The following STX3 variants were observed in gnomAD, a reference collection of about 807,000 sequenced individuals.
The protein encoded by STX3 is syntaxin-3.
In STX3, 19 loss-of-function variants were observed where a neutral mutation model predicts 40.2. The ratio of observed to expected loss-of-function variants is 0.47; its 90% confidence interval spans 0.33 to 0.69. The LOEUF is 0.69. STX3 is among the 30% of genes least tolerant of loss of function. STX3 has a pLI of 0.02. For synonymous variants in STX3, 122 were observed against 132.2 expected (o/e 0.92, Z 0.53); for missense variants, 364 against 366.7 (o/e 0.99, Z 0.06).
intron 2 of STX3, chr11:59,781,512 C>G (rs1239733274): frequency 1.2e-6 from 2 of 1,613,884 alleles, no homozygotes; most frequent in East Asian, 4.5e-5. Context: ...AAACTTCTCT[C>G]CCAGGGTACA....
intron 2 of STX3, chr11:59,781,478 T>C (rs1202967987): frequency 6.2e-7 from 1 of 1,613,678 alleles, no homozygotes; most frequent in Non-Finnish European, 8.5e-7. Context: ...TCTGAGTTTT[T>C]CTGCCATCAG....
At chr11:59,765,286 A>G (rs954705127) in intron 1 of STX3, among the ~76,000 whole-genome samples, 1 of 152,124 alleles carries the variant, frequency 6.6e-6, no homozygotes, top group African/African-American at 2.4e-5. Flanking sequence ...CACATAGGAA[A>G]CAGAGAGCAT....
At chr11:59,764,575 T>C (rs1051493288) in intron 1 of STX3, among the ~76,000 whole-genome samples, 1 of 152,168 alleles carries the variant, frequency 6.6e-6, no homozygotes, top group African/African-American at 2.4e-5. Context: ...TATAGGTTAA[T>C]CCAACTTAGT....
At position 59,797,331 on chromosome 11, in the gene STX3, G is replaced by A. The variant is rs751048742; in HGVS notation, c.835G>A (p.Ala279Thr). 11 of 1,614,000 alleles carry A rather than the reference G, an allele frequency of 6.8e-6. No homozygotes were observed. The highest frequency in any genetic ancestry group is 1.6e-4 in the Middle Eastern group (1 of 6,084). Residue 279 changes from alanine to threonine, a missense_variant, in exon 10 of 11, where the codon GCA becomes ACA. Physicochemically the swap from Ala to Thr is moderately conservative, Grantham distance 58. Coordinates refer to ENST00000337979, the MANE Select transcript of STX3 (RefSeq NM_004177.5). ...AGTAGTTGTGTTGCTGGGCATTTTA[G>A]CATTGATTATTGGACTTTCCGTTGG... ...VLVVVLLGIL[A>T]LIIGLSVGLN
intron 1 of STX3, among the ~76,000 whole-genome samples, chr11:59,756,966 C>G (rs1342681371): frequency 1.3e-5 from 2 of 152,208 alleles, no homozygotes; most frequent in African/African-American, 4.8e-5. Flanking sequence ...TTCACCTGTT[C>G]TGTGTAGCAG....
intron 2 of STX3, among the ~76,000 whole-genome samples, chr11:59,784,992 C>T (rs1864658553): frequency 6.6e-6 from 1 of 152,182 alleles, no homozygotes; most frequent in Non-Finnish European, 1.5e-5. Flanking sequence ...GCACTATTTG[C>T]ATGCTGTCCC....
At chr11:59,768,053 G>A (rs1029260730) in intron 1 of STX3, among the ~76,000 whole-genome samples, 6 of 152,128 alleles carry the variant, frequency 3.9e-5, no homozygotes, top group South Asian at 2.1e-4. Flanking sequence ...ACATTGCATA[G>A]GGAACTTTAA....
At chr11:59,794,634 A>G (rs1865413351) in intron 8 of STX3, among the ~76,000 whole-genome samples, 1 of 152,206 alleles carries the variant, frequency 6.6e-6, no homozygotes, top group Non-Finnish European at 1.5e-5. Flanking sequence ...TTCTGTTTAC[A>G]GACTGCCATA....
At chr11:59,761,435 C>A (rs1391890395) in intron 1 of STX3, among the ~76,000 whole-genome samples, 1 of 152,176 alleles carries the variant, frequency 6.6e-6, no homozygotes, top group Non-Finnish European at 1.5e-5. Flanking sequence ...TCTGTTAGTT[C>A]TTGTGCTCTG....
chr11:59,766,095 C>T (rs1863269380), intron 1 of STX3, among the ~76,000 whole-genome samples: 1 of 152,168 alleles, frequency 6.6e-6, no homozygotes, highest in Non-Finnish European at 1.5e-5. Context: ...TTCCTGGGGG[C>T]TCCTGGGCTT....
rs887800443 is a variant in STX3 at position 59,803,912 on chromosome 11, ACTC to A, written c.*3092_*3094del. The A allele has an allele frequency of 1.3e-5, 2 of 152,978 alleles. No homozygotes were observed. The highest frequency in any genetic ancestry group is 2.9e-5 in the Non-Finnish European group (2 of 68,014). The allele number at this position is 152,978 out of a possible 1,614,324, so 9.5% of individuals were successfully genotyped here. On this transcript the variant is annotated 3_prime_UTR_variant, in exon 11 of 11. Transcript: ENST00000337979. ...GTGGTACCATCACTTCTCCACGCAG[ACTC>A]CTCATCAGCTTCTCCTCTTTCCATT...
chr11:59,788,929 G>A lies in STX3; in HGVS notation c.271G>A (p.Val91Ile), dbSNP rs200311584. The A allele has an allele frequency of 2.2e-5, 35 of 1,610,426 alleles. No homozygotes were observed. Among genetic ancestry groups the A allele is most frequent in the East Asian group, 6.7e-5 (3 of 44,860 alleles). ...TGAGATTAAGAAAAGGGCCAACAAC[G>A]TCCGGAACAAACTGAAGAGTAAGAA... The part of the protein sequence containing the change: ...TTEIKKRANN[V>I]RNKLKSMEKH... Residue 91 changes from valine (V) to isoleucine (I), a missense_variant, in exon 4 of 11, where the codon GTC becomes ATC. Physicochemically the swap from Val to Ile is conservative, Grantham distance 29. Transcript: ENST00000337979.
chr11:59,779,808 C>A (rs925430226), intron 2 of STX3, among the ~76,000 whole-genome samples: 26 of 152,260 alleles, frequency 1.7e-4, no homozygotes, highest in African/African-American at 5.8e-4. Context: ...GCTGGAGGAG[C>A]TGTGAGGTGA....
Position 59,801,913 on chromosome 11 carries a change from C to T in STX3, c.*1089C>T, listed in dbSNP as rs1865901393. On this transcript the variant is annotated 3_prime_UTR_variant, in exon 11 of 11. Transcript: ENST00000337979. ...TGAATCACTGTGGAAATGTGATCTT[C>T]CCATATCATCAAGAAACTTGTTTTC... The T allele has an allele frequency of 2.0e-6, 2 of 985,214 alleles. No homozygotes were observed. The highest frequency in any genetic ancestry group is 4.7e-5 in the South Asian group (1 of 21,288). The allele number at this position is 985,214 out of a possible 1,614,324, so 61.0% of individuals were successfully genotyped here. A position where few individuals can be genotyped will look rare whatever the true frequency, so the allele number is the denominator to read the frequency against.
intron 1 of STX3, among the ~76,000 whole-genome samples, chr11:59,772,550 G>C (rs1863713960): frequency 6.6e-6 from 1 of 152,154 alleles, no homozygotes; most frequent in South Asian, 2.1e-4. Context: ...TACTCCTAAT[G>C]TGAAAATTGA....
intron 2 of STX3, chr11:59,781,564 T>C: frequency 6.2e-7 from 1 of 1,613,786 alleles, no homozygotes; most frequent in South Asian, 1.1e-5. Context: ...GTTTTTATGG[T>C]GAGGTTTTTA....
At chr11:59,759,423 C>T (rs1233129621) in intron 1 of STX3, among the ~76,000 whole-genome samples, 3 of 152,086 alleles carry the variant, frequency 2.0e-5, no homozygotes, top group Non-Finnish European at 4.4e-5. Flanking sequence ...TCCTGCTGGG[C>T]GTCAAGTTTA....
rs1862659427 is a variant in STX3, at chr11:59,755,545, G to C, written c.-61G>C. 2 of 1,564,368 alleles carry C rather than the reference G, an allele frequency of 1.3e-6. No homozygotes were observed. Among genetic ancestry groups the C allele is most frequent in the Admixed American group, 3.5e-5 (2 of 57,674 alleles). On this transcript the variant is annotated 5_prime_UTR_variant, in exon 1 of 11. Transcript: ENST00000337979. Reference sequence around the variant, plus strand: ...GCTTCCGGCAGCTCACCTGGGAAGCGCTCACCTGGGACGCGCTCACCTGGG... The same window carrying C: ...GCTTCCGGCAGCTCACCTGGGAAGCCCTCACCTGGGACGCGCTCACCTGGG...
intron 1 of STX3, 147 bp downstream of exon 1, chr11:59,755,782 C>A: frequency 9.0e-7 from 1 of 1,108,562 alleles, no homozygotes; most frequent in Non-Finnish European, 1.2e-6. Context: ...GCCGGTTCCG[C>A]ACCCTCCCCT....
Sources: allele counts gnomAD v4.1 joint callset (sites outside exome capture counted in the v4.1 genomes callset), GRCh38; gene constraint gnomAD v4.1.1; transcripts MANE v1.5; gene names NCBI Gene and HGNC (gene_info 2026-07-23, HGNC 2026-07-21).